The following RAC2 variants were observed in gnomAD, a reference collection of about 807,000 sequenced individuals.
RAC2 encodes the protein ras-related C3 botulinum toxin substrate 2.
In RAC2, 1 loss-of-function variant was observed where a neutral mutation model predicts 24.0. That is an observed-to-expected ratio of 0.04 (90% CI 0.01 to 0.20). RAC2 has a LOEUF of 0.20. Ranked by LOEUF, RAC2 falls within the 10% of genes least tolerant of loss-of-function variation. RAC2 has a pLI of 1.00. For synonymous variants in RAC2, 114 were observed against 106.8 expected (o/e 1.07, Z -0.41); for missense variants, 130 against 259.1 (o/e 0.50, Z 3.42).
chr22:37,234,924 G>A (rs1465031524), intron 2 of RAC2, among the ~76,000 whole-genome samples: 8 of 152,172 alleles, frequency 5.3e-5, no homozygotes, highest in Non-Finnish European at 1.2e-4. Flanking sequence ...TACCTGTAAA[G>A]AGCCCATGGT....
chr22:37,242,839 G>A (rs1448277791), intron 1 of RAC2, among the ~76,000 whole-genome samples: 2 of 152,374 alleles, frequency 1.3e-5, no homozygotes, highest in East Asian at 1.9e-4. Flanking sequence ...GGCCAGGAGA[G>A]CTGAGTCTCT....
intron 2 of RAC2, among the ~76,000 whole-genome samples, chr22:37,236,547 C>A (rs572328390): frequency 6.6e-5 from 10 of 152,348 alleles, no homozygotes; most frequent in Non-Finnish European, 1.2e-4. Flanking sequence ...AGCATCGCTG[C>A]TATTTCATGG....
chr22:37,234,897 G>A (rs569381219), intron 2 of RAC2, among the ~76,000 whole-genome samples: 27 of 152,132 alleles, frequency 1.8e-4, no homozygotes, highest in Non-Finnish European at 3.5e-4. Flanking sequence ...CCTCTCTGGC[G>A]GAGCTTCGTC....
chr22:37,232,667 C>T (rs1927102833), intron 3 of RAC2, 134 bp downstream of exon 3: 2 of 730,716 alleles, frequency 2.7e-6, no homozygotes, highest in African/African-American at 1.7e-5. Flanking sequence ...ACATGCAAGG[C>T]AGGCAGACTC....
At chr22:37,241,237 C>G (rs1216065602) in intron 2 of RAC2, 2 of 749,226 alleles carry the variant, frequency 2.7e-6, no homozygotes, top group African/African-American at 3.4e-5. Flanking sequence ...GAGTCAGGCT[C>G]TCTGGATCAC....
chr22:37,233,632 C>A (rs1002752746), intron 2 of RAC2, among the ~76,000 whole-genome samples: 29 of 152,180 alleles, frequency 1.9e-4, no homozygotes, highest in African/African-American at 7.0e-4. Flanking sequence ...TGGGTCCCCC[C>A]AGAAGCAAAC....
intron 1 of RAC2, among the ~76,000 whole-genome samples, chr22:37,242,996 C>A (rs1927452094): frequency 6.7e-6 from 1 of 150,314 alleles, no homozygotes; most frequent in South Asian, 2.1e-4. Flanking sequence ...TGGACCTGTC[C>A]TTTTATTTTG....
At chr22:37,241,197 T>A in intron 2 of RAC2, 1 of 776,320 alleles carries the variant, frequency 1.3e-6, no homozygotes, top group South Asian at 1.3e-5. Flanking sequence ...CCCCTCAGCA[T>A]GCCTTGTCCC....
rs559779691 is a variant in RAC2 at position 37,237,298 on chromosome 22, G to C, written c.107+4289C>G. 1.5e-4 allele frequency among the ~76,000 whole-genome samples: 23 copies of C among 152,090 alleles called. 1 individual carries two copies. In the South Asian group the frequency reaches 4.8e-3, roughly 32 times the overall value. On this transcript the variant is annotated intron_variant, in intron 2 of 6. Transcript: ENST00000249071. Reference sequence around the variant, plus strand: ...AGGGAGGGGCCAGAGGGGAACAGAGGGGGAAACTGGCACATCAGCCAGGAG... The same window carrying C: ...AGGGAGGGGCCAGAGGGGAACAGAGCGGGAAACTGGCACATCAGCCAGGAG...
At chr22:37,229,307 G>A (rs1373719614) in intron 5 of RAC2, among the ~76,000 whole-genome samples, 1 of 152,198 alleles carries the variant, frequency 6.6e-6, no homozygotes, top group Non-Finnish European at 1.5e-5. Flanking sequence ...AGGGGGCGGT[G>A]GGGGCAGTGG....
chr22:37,227,695 C>T (rs922850550), intron 5 of RAC2, among the ~76,000 whole-genome samples: 8 of 147,248 alleles, frequency 5.4e-5, no homozygotes, highest in African/African-American at 7.6e-5. Context: ...CCCTCCATGC[C>T]GTACACCCCC....
rs1927059109 is a variant in RAC2 at position 37,231,448 on chromosome 22, G to A, written c.289-58C>T. The A allele has an allele frequency of 1.0e-5, 16 of 1,544,672 alleles. No individual in the cohort carries two copies. The East Asian group carries it at 2.7e-4, about 26-fold the overall frequency. ...ATGGGTCAAGAGGGGGCGCGAGGCT[G>A]TGCGGGGATCAGAGGGAGTGTGAGG... On this transcript the variant is annotated intron_variant, in intron 4 of 6. Coordinates refer to ENST00000249071, the MANE Select transcript of RAC2 (RefSeq NM_002872.5). The surrounding 1 kb of genome is among the most constrained non-coding windows in gnomAD (Gnocchi z 5.5).
chr22:37,235,150 C>T (rs1190093283), intron 2 of RAC2, among the ~76,000 whole-genome samples: 4 of 152,140 alleles, frequency 2.6e-5, no homozygotes, highest in Admixed American at 6.5e-5. Flanking sequence ...GCTGCAGAAG[C>T]GCTAACACTT....
chr22:37,241,577 A>G lies in RAC2; in HGVS notation c.107+10T>C. ...TCCTCCCACCACCCCACATATCCCC[A>G]GGAACTCACACGGTGGGGATGTACT... On this transcript the variant is annotated intron_variant, in intron 2 of 6. Coordinates refer to ENST00000249071, the MANE Select transcript of RAC2 (RefSeq NM_002872.5). 1 of 1,610,114 alleles carries G rather than the reference A, an allele frequency of 6.2e-7. No individual in the cohort carries two copies. The highest frequency in any genetic ancestry group is 8.5e-7 in the Non-Finnish European group (1 of 1,176,408).
At chr22:37,240,966 G>C in intron 2 of RAC2, 1 of 710,232 alleles carries the variant, frequency 1.4e-6, no homozygotes, top group Admixed American at 2.0e-5. Flanking sequence ...GTTGAGTGAA[G>C]GCCATCAGGA....
In RAC2 at chr22:37,225,945, G is replaced by A. The variant is rs533468537; in HGVS notation, c.*97C>T. 6.5e-6 allele frequency: 1 copy of A among 153,262 alleles called. No homozygotes were observed. The highest frequency in any genetic ancestry group is 2.1e-4 in the South Asian group (1 of 4,850). 9.5% of individuals were successfully genotyped at this position (153,262 alleles called of 1,614,324 possible). A position where few individuals can be genotyped will look rare whatever the true frequency, so the allele number is the denominator to read the frequency against. ...CAGCCATCTGCTAAGAAACGCCACA[G>A]GGAGGGGACAGCATGGCCAGCCGGG... On this transcript the variant is annotated 3_prime_UTR_variant, in exon 7 of 7. Transcript: ENST00000249071.
intron 5 of RAC2, among the ~76,000 whole-genome samples, chr22:37,228,045 A>T (rs1926937972): frequency 6.6e-6 from 1 of 152,100 alleles, no homozygotes. Flanking sequence ...CAGGGTTGCA[A>T]ATAATCCCCA....
intron 2 of RAC2, among the ~76,000 whole-genome samples, chr22:37,233,130 GA>G (rs754620981): frequency 1.3e-5 from 2 of 152,078 alleles, no homozygotes; most frequent in Non-Finnish European, 2.9e-5. Flanking sequence ...TTAACAAGAA[GA>G]AAAAAAGATT....
chr22:37,236,025 A>T (rs1927211675), intron 2 of RAC2, among the ~76,000 whole-genome samples: 1 of 152,126 alleles, frequency 6.6e-6, no homozygotes, highest in African/African-American at 2.4e-5. Flanking sequence ...GAGGTCAAGG[A>T]CCTTTCTTGT....
Sources: gnomAD v4.1 joint callset for allele counts (sites outside exome capture counted in the v4.1 genomes callset) on GRCh38, gnomAD v4.1.1 for gene constraint, Gnocchi (gnomAD v3.1) non-coding constraint, MANE v1.5 for transcripts, NCBI Gene and HGNC (gene_info 2026-07-23, HGNC 2026-07-21) for gene names.